Variants in RAB38 observed in about 807,000 individuals in gnomAD.
RAB38 encodes the protein ras-related protein Rab-38.
In RAB38, 15 loss-of-function variants were observed where a neutral mutation model predicts 18.4. That is an observed-to-expected ratio of 0.82 (90% CI 0.55 to 1.26). RAB38 has a LOEUF of 1.26. Among genes scored for constraint, RAB38 ranks in the 50% most tolerant of loss-of-function variants. The pLI, the probability that RAB38 is intolerant of heterozygous loss-of-function variation, is 0.00. For missense variants in RAB38, 294 were observed against 267.4 expected (o/e 1.10, Z -0.69); for synonymous variants, 101 against 104.4 (o/e 0.97, Z 0.20).
At chr11:87,941,783 G>A in the RAB38 span, among the ~76,000 whole-genome samples, 1 of 152,160 alleles carries the variant, frequency 6.6e-6, no homozygotes, top group South Asian at 2.1e-4. Flanking sequence ...ATTAATTACA[G>A]GTTGGGTGAT....
chr11:88,076,972 A>G, the RAB38 span, among the ~76,000 whole-genome samples: 1,828 of 76,476 alleles, frequency 0.024, 28 homozygotes, highest in Middle Eastern at 0.047. Flanking sequence ...AAAAAAAAAA[A>G]AAAGAAAGAA....
At chr11:87,953,978 A>G in the RAB38 span, among the ~76,000 whole-genome samples, 1 of 152,066 alleles carries the variant, frequency 6.6e-6, no homozygotes, top group African/African-American at 2.4e-5. Context: ...AACATGGAGG[A>G]AAGACATTCC....
the RAB38 span, among the ~76,000 whole-genome samples, chr11:87,942,169 C>A: frequency 6.6e-6 from 1 of 152,184 alleles, no homozygotes; most frequent in Admixed American, 6.6e-5. Flanking sequence ...TTTGGAAAAT[C>A]ACATTATTGA....
the RAB38 span, among the ~76,000 whole-genome samples, chr11:87,966,929 AGCTTCTAAG>A: frequency 6.6e-6 from 1 of 152,200 alleles, no homozygotes. Context: ...GAACAAATAA[AGCTTCTAAG>A]TTCCCAAAGG....
the RAB38 span, among the ~76,000 whole-genome samples, chr11:88,051,050 A>G: frequency 0.6 from 90,843 of 152,022 alleles, 28,173 homozygotes; most frequent in Non-Finnish European, 0.68. Context: ...CATTTTGTTC[A>G]TTATAAATTT....
At chr11:88,029,866 G>T in the RAB38 span, among the ~76,000 whole-genome samples, 2 of 152,082 alleles carry the variant, frequency 1.3e-5, no homozygotes, top group African/African-American at 4.8e-5. Flanking sequence ...ACTCAGCTCT[G>T]CACCAAGCAG....
intron 1 of RAB38, chr11:88,166,924 A>C (rs1274144964): frequency 6.6e-6 from 1 of 152,188 alleles, no homozygotes; most frequent in Non-Finnish European, 1.5e-5. Context: ...CTTAGAATTA[A>C]GGCATTGATA....
downstream of RAB38, among the ~76,000 whole-genome samples, chr11:88,110,722 C>A (rs1035661959): frequency 2.0e-5 from 3 of 149,342 alleles, no homozygotes; most frequent in African/African-American, 7.4e-5. Flanking sequence ...GAGGCTGAGA[C>A]AGAAGAATCA....
chr11:88,124,622 G>A (rs1180581715), intron 2 of RAB38, among the ~76,000 whole-genome samples: 1 of 152,078 alleles, frequency 6.6e-6, no homozygotes, highest in South Asian at 2.1e-4. Context: ...AATTCCTGAC[G>A]TCTAACTCCT....
intron 2 of RAB38, among the ~76,000 whole-genome samples, chr11:88,127,509 T>C (rs1018969819): frequency 5.9e-5 from 9 of 152,248 alleles, no homozygotes; most frequent in Admixed American, 4.6e-4. Context: ...GTGGGAGTGG[T>C]TAAGAGTAGA....
the RAB38 span, among the ~76,000 whole-genome samples, chr11:88,071,560 A>C: frequency 6.6e-6 from 1 of 152,228 alleles, no homozygotes; most frequent in Non-Finnish European, 1.5e-5. Flanking sequence ...GCAATGTTTT[A>C]CTGCCATATA....
At chr11:87,973,300 A>T in the RAB38 span, among the ~76,000 whole-genome samples, 2 of 152,190 alleles carry the variant, frequency 1.3e-5, no homozygotes, top group Admixed American at 1.3e-4. Flanking sequence ...CAGAGAAAAA[A>T]ATAAGAATTT....
the RAB38 span, among the ~76,000 whole-genome samples, chr11:87,961,728 G>C: frequency 6.6e-6 from 1 of 152,176 alleles, no homozygotes; most frequent in African/African-American, 2.4e-5. Flanking sequence ...ATCACGCCAT[G>C]AGCTGAAGAA....
the RAB38 span, among the ~76,000 whole-genome samples, chr11:88,021,178 G>C: frequency 6.6e-6 from 1 of 152,142 alleles, no homozygotes; most frequent in Admixed American, 6.5e-5. Context: ...TTATTGAAAA[G>C]ATAAAATTGA....
chr11:88,170,215 T>C (rs968766069), intron 1 of RAB38, among the ~76,000 whole-genome samples: 6 of 152,220 alleles, frequency 3.9e-5, no homozygotes, highest in East Asian at 1.9e-4. Context: ...CGTAAGAACA[T>C]AGCATGTTAT....
At chr11:87,855,486 T>TGGTC in the RAB38 span, among the ~76,000 whole-genome samples, 1 of 152,200 alleles carries the variant, frequency 6.6e-6, no homozygotes, top group South Asian at 2.1e-4. Context: ...AGACATTTTT[T>TGGTC]GGTCATTATA....
At chr11:87,900,638 A>G in the RAB38 span, among the ~76,000 whole-genome samples, 1 of 148,854 alleles carries the variant, frequency 6.7e-6, no homozygotes, top group Non-Finnish European at 1.5e-5. Flanking sequence ...ATGTCCTCAG[A>G]CCCTCTGTCA....
the RAB38 span, among the ~76,000 whole-genome samples, chr11:88,008,448 A>T: frequency 1.3e-5 from 2 of 152,176 alleles, no homozygotes; most frequent in South Asian, 4.1e-4. Flanking sequence ...AGTAAGCCAT[A>T]CACTTGTTAG....
the RAB38 span, among the ~76,000 whole-genome samples, chr11:87,900,363 A>G: frequency 6.6e-6 from 1 of 151,618 alleles, no homozygotes; most frequent in African/African-American, 2.4e-5. Flanking sequence ...AGGCTTTCCA[A>G]TACCTCTCAG....
Sources: gnomAD v4.1 joint callset for allele counts (sites outside exome capture counted in the v4.1 genomes callset) on GRCh38, gnomAD v4.1.1 for gene constraint, MANE v1.5 for transcripts, NCBI Gene and HGNC (gene_info 2026-07-23, HGNC 2026-07-21) for gene names.